The following TNFRSF10B variants were observed in gnomAD, a reference collection of about 807,000 sequenced individuals.
TNFRSF10B encodes the protein tumor necrosis factor receptor superfamily member 10B.
A neutral mutation model predicts 41.4 loss-of-function variants in TNFRSF10B; 35 were observed. That is an observed-to-expected ratio of 0.85 (90% CI 0.65 to 1.12). The LOEUF is 1.12. Among genes scored for constraint, TNFRSF10B ranks in the 50% most tolerant of loss-of-function variants. The pLI, the probability that TNFRSF10B is intolerant of heterozygous loss-of-function variation, is 0.00. For missense variants in TNFRSF10B, 584 were observed against 552.7 expected (o/e 1.06, Z -0.57); for synonymous variants, 230 against 215.5 (o/e 1.07, Z -0.59).
intron 2 of TNFRSF10B, among the ~76,000 whole-genome samples, chr8:23,036,214 T>C (rs1812026213): frequency 6.6e-6 from 1 of 152,216 alleles, no homozygotes; most frequent in Admixed American, 6.5e-5. Context: ...TGAGTGTTAT[T>C]TTGCCTACCA....
At chr8:23,038,684 T>G (rs1268967644) in intron 2 of TNFRSF10B, among the ~76,000 whole-genome samples, 1 of 152,210 alleles carries the variant, frequency 6.6e-6, no homozygotes, top group Non-Finnish European at 1.5e-5. Flanking sequence ...TAGTGCGTTT[T>G]CAGTTGTATA....
intron 1 of TNFRSF10B, among the ~76,000 whole-genome samples, chr8:23,045,942 A>C (rs1284589889): frequency 1.1e-5 from 1 of 87,488 alleles, no homozygotes; most frequent in Non-Finnish European, 2.7e-5. Flanking sequence ...GTATCAACAC[A>C]AAAAAAGCCT....
intron 1 of TNFRSF10B, among the ~76,000 whole-genome samples, chr8:23,056,409 TG>T (rs1812667420): frequency 1.3e-5 from 2 of 152,182 alleles, no homozygotes; most frequent in Admixed American, 6.5e-5. Context: ...CCCAGCATTT[TG>T]GGAGGCCGAG....
At chr8:23,063,818 A>C (rs993596764) in intron 1 of TNFRSF10B, among the ~76,000 whole-genome samples, 4 of 152,110 alleles carry the variant, frequency 2.6e-5, no homozygotes, top group African/African-American at 9.7e-5. Flanking sequence ...CCCGGGGAAA[A>C]CTTGACAATG....
rs376446911 is a variant in TNFRSF10B, at chr8:23,027,105, G to C, written c.936+28C>G. 4.1e-5 allele frequency: 66 copies of C among 1,613,328 alleles called. No homozygotes were observed. In the African/African-American group the frequency reaches 6.8e-4, roughly 17 times the overall value. ...AAATCCCAGGTGAGCAGCATGCCAG[G>C]AAACAAAATGATCTGTCCCCCACTC... On this transcript the variant is annotated intron_variant, in intron 7 of 8. Transcript: ENST00000276431.
chr8:23,036,641 T>C (rs1252666869), intron 2 of TNFRSF10B, among the ~76,000 whole-genome samples: 1 of 152,200 alleles, frequency 6.6e-6, no homozygotes, highest in African/African-American at 2.4e-5. Flanking sequence ...GGTCAGGAGT[T>C]CGAGACTGGC....
At chr8:23,060,705 A>G (rs925130508) in intron 1 of TNFRSF10B, among the ~76,000 whole-genome samples, 2 of 152,214 alleles carry the variant, frequency 1.3e-5, no homozygotes, top group East Asian at 3.8e-4. Flanking sequence ...TAGAGATTAC[A>G]TTGAATGTAT....
chr8:23,068,516 T>C, intron 1 of TNFRSF10B: 1 of 605,726 alleles, frequency 1.7e-6, no homozygotes, highest in Non-Finnish European at 2.8e-6. Context: ...CCCCACTGGA[T>C]TCGGGAATTT....
rs543417763 is a variant in TNFRSF10B at position 23,021,322 on chromosome 8, G to A, written c.*1349C>T. 54 of 454,118 alleles carry A rather than the reference G, an allele frequency of 1.2e-4. No individual in the cohort carries two copies. Among genetic ancestry groups the A allele is most frequent in the Admixed American group, 4.5e-4 (19 of 42,576 alleles). 28.1% of individuals were successfully genotyped at this position (454,118 alleles called of 1,614,324 possible). ...CTTACAGAGCGGCCAAGGTCCTCAA[G>A]TAGGCAATCTGTACCCTAAAAGGCA... On this transcript the variant is annotated 3_prime_UTR_variant, in exon 9 of 9. Coordinates refer to ENST00000276431, the MANE Select transcript of TNFRSF10B (RefSeq NM_003842.5).
At chr8:23,044,213 A>C (rs752706402) in intron 1 of TNFRSF10B, among the ~76,000 whole-genome samples, 34 of 152,332 alleles carry the variant, frequency 2.2e-4, no homozygotes, top group Non-Finnish European at 4.3e-4. Context: ...GAAAACCCTA[A>C]AACTTAGAAG....
At chr8:23,031,566 C>CT (rs1312272720) in intron 2 of TNFRSF10B, among the ~76,000 whole-genome samples, 3 of 150,574 alleles carry the variant, frequency 2.0e-5, no homozygotes, top group African/African-American at 4.9e-5. Flanking sequence ...TTTTAGTGTA[C>CT]TTTTTTTTTG....
At chr8:23,030,254 A>G (rs1463524763) in intron 3 of TNFRSF10B, among the ~76,000 whole-genome samples, 1 of 152,220 alleles carries the variant, frequency 6.6e-6, no homozygotes, top group Non-Finnish European at 1.5e-5. Context: ...TGCAGCTGAC[A>G]GTTTAAAAGA....
chr8:23,048,441 A>C (rs1279992681), intron 1 of TNFRSF10B, among the ~76,000 whole-genome samples: 1 of 150,316 alleles, frequency 6.7e-6, no homozygotes, highest in Non-Finnish European at 1.5e-5. Context: ...TTGTGTCAAA[A>C]AAAAAAAAAA....
At chr8:23,027,958 G>T (rs1563307096) in intron 5 of TNFRSF10B, 2 of 640,054 alleles carry the variant, frequency 3.1e-6, no homozygotes, top group Non-Finnish European at 5.4e-6. Context: ...ACAAACACTT[G>T]GAAAATCTCT....
chr8:23,040,408 C>T (rs1395553992), intron 2 of TNFRSF10B, among the ~76,000 whole-genome samples: 1 of 64,168 alleles, frequency 1.6e-5, no homozygotes, highest in Non-Finnish European at 3.6e-5. Flanking sequence ...AATATATATA[C>T]AAAATATATA....
intron 2 of TNFRSF10B, among the ~76,000 whole-genome samples, chr8:23,036,195 A>T (rs1271103255): frequency 6.6e-6 from 1 of 152,228 alleles, no homozygotes. Flanking sequence ...CTGACTGCTC[A>T]TCGTGAACTG....
intron 1 of TNFRSF10B, among the ~76,000 whole-genome samples, chr8:23,061,782 C>CTCAGATGA (rs1229812184): frequency 1.3e-5 from 2 of 152,198 alleles, no homozygotes; most frequent in Non-Finnish European, 2.9e-5. Context: ...CCTGTATCAA[C>CTCAGATGA]TCAGATGATC....
rs1563301107 is a variant in TNFRSF10B, at chr8:23,020,381, TGTC to T, written c.*2287_*2289del. Reference sequence around the variant, plus strand: ...AACAACAAAACCCCCAATTATTTCATGTCGTCAGGAAGCTTACTTTAAAAGAAT... The same window carrying T: ...AACAACAAAACCCCCAATTATTTCATGTCAGGAAGCTTACTTTAAAAGAAT... On this transcript the variant is annotated 3_prime_UTR_variant, in exon 9 of 9. Coordinates refer to ENST00000276431, the MANE Select transcript of TNFRSF10B (RefSeq NM_003842.5). 3 of 454,058 alleles carry T rather than the reference TGTC, an allele frequency of 6.6e-6. No individual in the cohort carries two copies. In the Admixed American group the frequency reaches 7.0e-5, roughly 11 times the overall value. The allele number at this position is 454,058 out of a possible 1,614,324, so 28.1% of individuals were successfully genotyped here.
chr8:23,027,601 G>T, intron 6 of TNFRSF10B, 121 bp downstream of exon 6: 1 of 1,417,826 alleles, frequency 7.1e-7, no homozygotes. Context: ...AGAGCACCCA[G>T]GCCACTTCAG....
Sources: gnomAD v4.1 joint callset for allele counts (sites outside exome capture counted in the v4.1 genomes callset) on GRCh38, gnomAD v4.1.1 for gene constraint, MANE v1.5 for transcripts, NCBI Gene and HGNC (gene_info 2026-07-23, HGNC 2026-07-21) for gene names.